PLCB3: variants seen among roughly 807,000 people sequenced by gnomAD.
PLCB3 encodes phospholipase C beta 3.
PLCB3 carries 54 observed loss-of-function variants against 152.1 expected under a neutral mutation model. The observed-to-expected ratio is 0.36, with a 90% CI of 0.29 to 0.45. The LOEUF (loss-of-function observed/expected upper bound fraction) is 0.45. Among genes scored for constraint, PLCB3 ranks in the 20% least tolerant of loss-of-function variants. PLCB3 has a pLI of 1.00. For missense variants in PLCB3, 1,248 were observed against 1,687.5 expected, an observed-to-expected ratio of 0.74 and a Z score of 4.56; for synonymous variants, 717 against 698.7, an observed-to-expected ratio of 1.03 and a Z score of -0.41.
At chr11:64,253,044 A>C (rs760353696) in intron 1 of PLCB3, among the ~76,000 whole-genome samples, 1 of 152,202 alleles carries the variant, frequency 6.6e-6, no homozygotes, top group Non-Finnish European at 1.5e-5. Context: ...TGCATCCCCA[A>C]ATTTTGGGGG....
rs200770371 is a variant in PLCB3, at chr11:64,256,403, G to C, written c.726G>C (p.Thr242=). Residue 242 remains threonine, a synonymous_variant, in exon 9 of 31, where the codon ACG becomes ACC. Coordinates refer to ENST00000279230, the MANE Select transcript of PLCB3 (RefSeq NM_000932.5). ...GCGCCAAGGGCAAGCCATACCTGACGCTGGAGCAGCTCATGGACTTCATCA... is the reference window on the plus strand; with the variant it reads ...GCGCCAAGGGCAAGCCATACCTGACCCTGGAGCAGCTCATGGACTTCATCA... The part of the protein sequence containing the change: ...EIGAKGKPYL[T]LEQLMDFINQ... The C allele has an allele frequency of 4.3e-6, 7 of 1,613,530 alleles. No individual in the cohort carries two copies. In the Admixed American group the frequency reaches 6.7e-5, roughly 15 times the overall value.
intron 1 of PLCB3, 100 bp from the exon 2 acceptor site, chr11:64,254,315 A>G (rs1018181223): frequency 1.6e-5 from 15 of 951,722 alleles, no homozygotes; most frequent in Non-Finnish European, 2.5e-5. Flanking sequence ...GTCTTAGCTC[A>G]TGGGCAGGAA....
Position 64,255,684 on chromosome 11 carries a change from G to A in PLCB3, c.598-37G>A, listed in dbSNP as rs374562664. 3.7e-6 allele frequency: 6 copies of A among 1,607,190 alleles called. No individual in the cohort carries two copies. Among genetic ancestry groups the A allele is most frequent in the Non-Finnish European group, 5.1e-6 (6 of 1,174,984 alleles). The stretch of plus-strand genomic sequence containing the variant: ...GGCACCCACCCTTACGGGGCTGCCC[G>A]CCCCTGGCTTCTCACCCCACACTCC... On this transcript the variant is annotated intron_variant, in intron 7 of 30. Coordinates refer to ENST00000279230, the MANE Select transcript of PLCB3 (RefSeq NM_000932.5). The surrounding 1 kb of genome is among the most constrained non-coding windows in gnomAD (Gnocchi z 6.8).
intron 8 of PLCB3, among the ~76,000 whole-genome samples, 197 bp from the exon 9 acceptor site, chr11:64,256,178 CT>C (rs2031519298): frequency 6.6e-6 from 1 of 152,152 alleles, no homozygotes; most frequent in Non-Finnish European, 1.5e-5. Context: ...AGTCTGCTGC[CT>C]TGACAATCCT....
rs571482177 is a variant in PLCB3, at chr11:64,267,416, C to T, written c.3565C>T (p.Arg1189Trp). ...QRARLPQEIRRSLLGEMPEGL... is the reference protein window; with the variant it reads ...QRARLPQEIRWSLLGEMPEGL... ...GGCGAGGCTCCCCCAGGAGATCCGCCGGAGCCTGCTGGGCGAGATGCCGGA... is the reference window on the plus strand; with the variant it reads ...GGCGAGGCTCCCCCAGGAGATCCGCTGGAGCCTGCTGGGCGAGATGCCGGA... The change falls in exon 31 of 31, where the codon CGG becomes TGG. Residue 1189 changes from arginine to tryptophan, a missense_variant. Arg to Trp is a moderately radical substitution (Grantham distance 101). Coordinates refer to ENST00000279230, the MANE Select transcript of PLCB3 (RefSeq NM_000932.5). The surrounding 1 kb of genome is among the most constrained non-coding windows in gnomAD (Gnocchi z 5.2). 3.8e-5 allele frequency: 58 copies of T among 1,541,750 alleles called. No homozygotes were observed. Among genetic ancestry groups the T allele is most frequent in the East Asian group, 3.6e-4 (15 of 41,138 alleles).
chr11:64,261,728 T>A (rs2031862696), intron 16 of PLCB3, 63 bp downstream of exon 16: 1 of 1,502,878 alleles, frequency 6.7e-7, no homozygotes, highest in Non-Finnish European at 9.3e-7. Flanking sequence ...CCGGCTCCGG[T>A]GTTCTGTCCC....
rs187949587 is a variant in PLCB3, at chr11:64,263,713, G to A, written c.2478G>A (p.Arg826=). The part of the protein sequence containing the change: ...IRSGYHYVCL[R]NEANQPLCLP... ...CAGGATACCACTACGTCTGCCTGCG[G>A]AACGAGGCCAACCAACCGCTGTGCC... Residue 826 remains arginine, a synonymous_variant, in exon 21 of 31, where the codon CGG becomes CGA. Coordinates refer to ENST00000279230, the MANE Select transcript of PLCB3 (RefSeq NM_000932.5). 2 of 1,613,590 alleles carry A rather than the reference G, an allele frequency of 1.2e-6. No homozygotes were observed. The highest frequency in any genetic ancestry group is 2.7e-5 in the African/African-American group (2 of 75,054).
In PLCB3 at chr11:64,267,547, G is replaced by C. The variant is rs774371078; in HGVS notation, c.3696G>C (p.Thr1232=). 6.4e-7 allele frequency: 1 copy of C among 1,562,768 alleles called. No individual in the cohort carries two copies. The highest frequency in any genetic ancestry group is 1.9e-5 in the Admixed American group (1 of 53,982). The change falls in exon 31 of 31, where the codon ACG becomes ACC. Residue 1232 remains threonine (T), a synonymous_variant. Coordinates refer to ENST00000279230, the MANE Select transcript of PLCB3 (RefSeq NM_000932.5). The surrounding 1 kb of genome is among the most constrained non-coding windows in gnomAD (Gnocchi z 5.2). ...ACTCGGAGAGCCAGGAGGAGAACAC[G>C]CAGCTCTGAACTGGCTGAGCGAGGT... The part of the protein sequence containing the change: ...GADSESQEEN[T]QL
chr11:64,266,145 A>G lies in PLCB3; in HGVS notation c.3209A>G (p.Glu1070Gly). 6 of 1,614,092 alleles carry G rather than the reference A, an allele frequency of 3.7e-6. No homozygotes were observed. The highest frequency in any genetic ancestry group is 4.2e-6 in the Non-Finnish European group (5 of 1,180,018). ...HLRQALQRLR[E>G]VVLDANTTQF... is the part of the protein sequence containing the mutation. ...CCACAGGCTCTGCAGCGGCTCAGGG[A>G]GGTCGTCCTTGATGCAAACACAACT... The change falls in exon 27 of 31, where the codon GAG becomes GGG. Residue 1070 changes from glutamate to glycine, a missense_variant. By Grantham distance (98) the Glu-to-Gly change is moderately conservative. This residue lies in a region of PLCB3 where 477 missense variants were observed against 489.6 expected (regional missense o/e 0.97). Coordinates refer to ENST00000279230, the MANE Select transcript of PLCB3 (RefSeq NM_000932.5). This position sits in a 1 kb window ranked among gnomAD's most constrained non-coding sequence, Gnocchi z 4.9.
rs2032165980 is a variant in PLCB3 at position 64,267,199 on chromosome 11, G to A, written c.3429G>A (p.Gln1143=). Residue 1143 remains glutamine (Q), a synonymous_variant, in exon 30 of 31, where the codon CAG becomes CAA. Coordinates refer to ENST00000279230, the MANE Select transcript of PLCB3 (RefSeq NM_000932.5). The surrounding 1 kb of genome is among the most constrained non-coding windows in gnomAD (Gnocchi z 5.2). ...CACCCCTGTAGCTGGAGGAGGCCCA[G>A]AAGCAGCGGCATGACCGTCTTGTGG... ...VNSIRRLEEA[Q]KQRHDRLVAG... is the part of the protein sequence containing the mutation. 6.5e-7 allele frequency: 1 copy of A among 1,550,206 alleles called. No homozygotes were observed. The highest frequency in any genetic ancestry group is 2.0e-5 in the Admixed American group (1 of 50,986).
rs2031531786 is a variant in PLCB3 at position 64,256,404 on chromosome 11, C to A, written c.727C>A (p.Leu243Met). 5 of 1,613,678 alleles carry A rather than the reference C, an allele frequency of 3.1e-6. No individual in the cohort carries two copies. Among genetic ancestry groups the A allele is most frequent in the Non-Finnish European group, 4.2e-6 (5 of 1,180,008 alleles). The change falls in exon 9 of 31, where the codon CTG (leucine) becomes ATG (methionine). Residue 243 changes from leucine (L) to methionine (M), a missense_variant. Physicochemically the swap from Leu to Met is conservative, Grantham distance 15. Transcript: ENST00000279230. ...CGCCAAGGGCAAGCCATACCTGACG[C>A]TGGAGCAGCTCATGGACTTCATCAA... is the stretch of plus-strand genomic sequence containing the variant. ...IGAKGKPYLT[L>M]EQLMDFINQK...
chr11:64,256,997 CTTTTTTTTTTTTTT>C (rs5792316), intron 10 of PLCB3, among the ~76,000 whole-genome samples: 1 of 61,560 alleles, frequency 1.6e-5, no homozygotes, highest in South Asian at 8.3e-4. Flanking sequence ...CTTCAGGGTC[CTTTTTTTTTTTTTT>C]TTTTTTTTTT....
In PLCB3 at chr11:64,260,747, T is replaced by C. The variant is rs1384934606; in HGVS notation, c.1731+513T>C. Among the ~76,000 whole-genome samples, 4 of 100,780 alleles carry C rather than the reference T, an allele frequency of 4.0e-5. No homozygotes were observed. The Admixed American group carries it at 4.5e-4, about 11-fold the overall frequency. The allele number at this position is 100,780 out of a possible 152,430, so 66.1% of individuals were successfully genotyped here. On this transcript the variant is annotated intron_variant, in intron 14 of 30. Transcript: ENST00000279230. Reference sequence around the variant, plus strand: ...GAGATTGCACCATTGCACTCCAACGTGGGCTAAAAAGGGAGACACTATCTC... The same window carrying C: ...GAGATTGCACCATTGCACTCCAACGCGGGCTAAAAAGGGAGACACTATCTC...
intron 1 of PLCB3, 21 bp downstream of exon 1, chr11:64,251,769 T>G: frequency 7.5e-7 from 1 of 1,325,460 alleles, no homozygotes; most frequent in Non-Finnish European, 1.0e-6. Context: ...GGGCCCCTGC[T>G]CCGCCCAAAT....
chr11:64,266,473 A>G lies in PLCB3; in HGVS notation c.3357-22A>G. On this transcript the variant is annotated intron_variant, in intron 28 of 30. Transcript: ENST00000279230. This position sits in a 1 kb window ranked among gnomAD's most constrained non-coding sequence, Gnocchi z 4.9. ...AGGGCAGGTGTCTGGGCCCCGAGCCATCCTGCGTTGCTCCCGTGCAGGGAA... is the reference window on the plus strand; with the variant it reads ...AGGGCAGGTGTCTGGGCCCCGAGCCGTCCTGCGTTGCTCCCGTGCAGGGAA... The G allele has an allele frequency of 6.2e-7, 1 of 1,612,724 alleles. No homozygotes were observed. The highest frequency in any genetic ancestry group is 8.5e-7 in the Non-Finnish European group (1 of 1,178,946).
In PLCB3 at chr11:64,267,114, C is replaced by T; in HGVS notation, c.3415-71C>T. 7.1e-7 allele frequency: 1 copy of T among 1,410,874 alleles called. No individual in the cohort carries two copies. Among genetic ancestry groups the T allele is most frequent in the Admixed American group, 2.0e-5 (1 of 50,656 alleles). The allele number at this position is 1,410,874 out of a possible 1,614,324, so 87.4% of individuals were successfully genotyped here. On this transcript the variant is annotated intron_variant, in intron 29 of 30. Transcript: ENST00000279230. The surrounding 1 kb of genome is among the most constrained non-coding windows in gnomAD (Gnocchi z 5.2). ...CGGCCTCGCCCACCTGACTTCTATA[C>T]CCAGCCAGAGCCTCGAGGCTCTAGC...
rs1324113855 is a variant in PLCB3 at position 64,261,358 on chromosome 11, G to A, written c.1732-42G>A. 3.5e-6 allele frequency: 5 copies of A among 1,437,772 alleles called. No homozygotes were observed. In the East Asian group the frequency reaches 9.1e-5, roughly 26 times the overall value. The allele number at this position is 1,437,772 out of a possible 1,614,324, so 89.1% of individuals were successfully genotyped here. On this transcript the variant is annotated intron_variant, in intron 14 of 30. Transcript: ENST00000279230. ...GGGGCAGGTGAGGGAATGGCCAGCT[G>A]TGGCGGGAATGGCACTGCTGACCCT...
At position 64,265,354 on chromosome 11, in the gene PLCB3, C is replaced by G. The variant is rs1281164636; in HGVS notation, c.2887C>G (p.Leu963Val). The G allele has an allele frequency of 1.4e-5, 23 of 1,608,624 alleles. No homozygotes were observed. The highest frequency in any genetic ancestry group is 2.0e-5 in the Non-Finnish European group (23 of 1,178,018). The change falls in exon 25 of 31, where the codon CTG (leucine) becomes GTG (valine). Residue 963 changes from leucine (L) to valine (V), a missense_variant. Transcript: ENST00000279230. ...PLDELRGHKA[L>V]VKLRSRQERD... ...GGATGAGCTCCGAGGTCACAAGGCT[C>G]TGGTCAAGCTCCGGAGCCGGCAAGA... is the stretch of plus-strand genomic sequence containing the variant.
In PLCB3 at chr11:64,254,911, G is replaced by T. The variant is rs765986868; in HGVS notation, c.260G>T (p.Arg87Leu). The change falls in exon 4 of 31, where the codon CGG becomes CTG. Residue 87 changes from arginine to leucine, a missense_variant. Transcript: ENST00000279230. Reference protein sequence around the residue: ...YARLPKDPKIREVLGFGGPDA... With the variant: ...YARLPKDPKILEVLGFGGPDA... ...TCACCTACTCAGGACCCCAAGATCC[G>T]GGAAGTTCTGGGCTTTGGGGGTCCC... The T allele has an allele frequency of 6.2e-7, 1 of 1,606,144 alleles. No individual in the cohort carries two copies. Among genetic ancestry groups the T allele is most frequent in the Non-Finnish European group, 8.5e-7 (1 of 1,174,932 alleles).
Sources: allele counts gnomAD v4.1 joint callset (sites outside exome capture counted in the v4.1 genomes callset), GRCh38; gene constraint gnomAD v4.1.1; regional missense constraint gnomAD v4.1.1; non-coding constraint Gnocchi (gnomAD v3.1); transcripts MANE v1.5; gene names NCBI Gene and HGNC (gene_info 2026-07-23, HGNC 2026-07-21).